Variants in ASCC3 observed in about 807,000 individuals in gnomAD.
ASCC3 encodes activating signal cointegrator 1 complex subunit 3.
ASCC3 carries 158 observed loss-of-function variants against 256.3 expected under a neutral mutation model. That is an observed-to-expected ratio of 0.62 (90% CI 0.54 to 0.70). The LOEUF (loss-of-function observed/expected upper bound fraction) is 0.70, where lower values mean the gene tolerates loss of function less well. ASCC3 is among the 30% of genes least tolerant of loss of function. The probability of loss-of-function intolerance (pLI) is 0.00; values close to 1 mark genes in which losing one functional copy is unlikely to be tolerated. For synonymous variants in ASCC3, 948 were observed against 883.4 expected, an observed-to-expected ratio of 1.07 and a Z score of -1.30; for missense variants, 2,259 against 2,626.0, an observed-to-expected ratio of 0.86 and a Z score of 3.05.
At chr6:100,515,362 G>A (rs1582369760) in intron 39 of ASCC3, among the ~76,000 whole-genome samples, 1 of 152,130 alleles carries the variant, frequency 6.6e-6, no homozygotes, top group Admixed American at 6.5e-5. Flanking sequence ...CTTTTTCCAA[G>A]TCTTGCTCAA....
At chr6:100,527,610 A>G (rs1774645936) in intron 37 of ASCC3, among the ~76,000 whole-genome samples, 1 of 152,010 alleles carries the variant, frequency 6.6e-6, no homozygotes, top group Non-Finnish European at 1.5e-5. Flanking sequence ...TGGCAATTCT[A>G]CCTCCTGGCA....
At chr6:100,824,758 A>G (rs577510207) in intron 4 of ASCC3, among the ~76,000 whole-genome samples, 1 of 152,314 alleles carries the variant, frequency 6.6e-6, no homozygotes, top group East Asian at 1.9e-4. Flanking sequence ...AATCTGATAT[A>G]ATTTAAGAAG....
intron 4 of ASCC3, among the ~76,000 whole-genome samples, chr6:100,827,984 T>C (rs1056871350): frequency 6.6e-6 from 1 of 150,912 alleles, no homozygotes; most frequent in Non-Finnish European, 1.5e-5. Flanking sequence ...AGGACTGATA[T>C]TAAACAACTT....
intron 4 of ASCC3, among the ~76,000 whole-genome samples, chr6:100,842,830 T>C (rs1772210245): frequency 6.6e-6 from 1 of 151,906 alleles, no homozygotes; most frequent in African/African-American, 2.4e-5. Flanking sequence ...AAAAAATTAG[T>C]TGTGTGTGGT....
At chr6:100,573,207 A>ACTGGG (rs1469639473) in intron 36 of ASCC3, among the ~76,000 whole-genome samples, 1 of 152,070 alleles carries the variant, frequency 6.6e-6, no homozygotes, top group Non-Finnish European at 1.5e-5. Context: ...CTATTTACCT[A>ACTGGG]CTGGGCTGCT....
intron 22 of ASCC3, 64 bp downstream of exon 22, chr6:100,646,551 T>C (rs1041680657): frequency 1.3e-6 from 2 of 1,489,922 alleles, no homozygotes; most frequent in Non-Finnish European, 1.9e-6. Flanking sequence ...TAGGAACAGA[T>C]GTAGTTGAGT....
At chr6:100,856,471 A>T in intron 3 of ASCC3, 1 of 892,162 alleles carries the variant, frequency 1.1e-6, no homozygotes, top group Non-Finnish European at 1.3e-6. Context: ...GTAATATAAA[A>T]ATCATAGTAA....
At chr6:100,731,200 C>T (rs1019142667) in intron 10 of ASCC3, among the ~76,000 whole-genome samples, 9 of 152,112 alleles carry the variant, frequency 5.9e-5, no homozygotes, top group African/African-American at 2.2e-4. Context: ...GAGAGACGTT[C>T]TCCTATTCAA....
intron 30 of ASCC3, among the ~76,000 whole-genome samples, chr6:100,618,659 A>G (rs1226232431): frequency 6.6e-6 from 1 of 152,178 alleles, no homozygotes; most frequent in East Asian, 1.9e-4. Context: ...CCAACAGTGG[A>G]AACACTGGGC....
At chr6:100,634,361 G>C (rs1774717633) in intron 25 of ASCC3, among the ~76,000 whole-genome samples, 1 of 152,096 alleles carries the variant, frequency 6.6e-6, no homozygotes, top group Non-Finnish European at 1.5e-5. Flanking sequence ...CTATTCGGCT[G>C]TAATTTTGCA....
At chr6:100,686,443 T>A (rs754548689) in intron 13 of ASCC3, among the ~76,000 whole-genome samples, 1 of 152,174 alleles carries the variant, frequency 6.6e-6, no homozygotes, top group Non-Finnish European at 1.5e-5. Context: ...AACTACAAAT[T>A]CACAATTTTA....
chr6:100,661,863 T>C lies in ASCC3; in HGVS notation c.2646A>G (p.Gln882=). ...KLSHYLTLLT[Q]RNPIESQFLE... The stretch of plus-strand genomic sequence containing the variant: ...GAAACTGACTCTCAATTGGGTTTCG[T>C]TGAGTGAGCAAAGTGAGGTAATGGC... The change falls in exon 16 of 42, where the codon CAA becomes CAG. Residue 882 remains glutamine (Q), a synonymous_variant. Transcript: ENST00000369162. 6.2e-7 allele frequency: 1 copy of C among 1,613,382 alleles called. No individual in the cohort carries two copies. The highest frequency in any genetic ancestry group is 8.5e-7 in the Non-Finnish European group (1 of 1,179,458).
intron 14 of ASCC3, among the ~76,000 whole-genome samples, chr6:100,665,948 A>C (rs958751321): frequency 1.3e-5 from 2 of 151,942 alleles, no homozygotes; most frequent in Admixed American, 6.6e-5. Flanking sequence ...CCTTAAAAAA[A>C]CCCCCTCATG....
intron 37 of ASCC3, chr6:100,530,913 G>T: frequency 7.7e-7 from 1 of 1,300,588 alleles, no homozygotes; most frequent in Non-Finnish European, 1.1e-6. Context: ...AAAGACACTT[G>T]GAATCTTCTT....
chr6:100,571,670 C>T (rs946611461), intron 36 of ASCC3, among the ~76,000 whole-genome samples: 2 of 152,174 alleles, frequency 1.3e-5, no homozygotes, highest in African/African-American at 4.8e-5. Context: ...AACTGAGGCT[C>T]AGAGGGTAAG....
chr6:100,533,997 T>C (rs983894463), intron 37 of ASCC3, among the ~76,000 whole-genome samples: 1 of 152,198 alleles, frequency 6.6e-6, no homozygotes, highest in African/African-American at 2.4e-5. Context: ...AAAAACAGTG[T>C]CAGGGCTGGG....
chr6:100,774,695 T>A (rs955013314), intron 8 of ASCC3, among the ~76,000 whole-genome samples: 4 of 151,990 alleles, frequency 2.6e-5, no homozygotes, highest in African/African-American at 9.7e-5. Flanking sequence ...AGAGACAAGG[T>A]CTTGCTGGTC....
intron 4 of ASCC3, among the ~76,000 whole-genome samples, chr6:100,807,206 C>G (rs1770227939): frequency 6.6e-6 from 1 of 151,690 alleles, no homozygotes; most frequent in Admixed American, 6.6e-5. Context: ...GAAACTTGTA[C>G]AGGGAAACAG....
At chr6:100,554,527 T>G (rs764245169) in intron 36 of ASCC3, among the ~76,000 whole-genome samples, 4 of 152,162 alleles carry the variant, frequency 2.6e-5, no homozygotes, top group Non-Finnish European at 5.9e-5. Flanking sequence ...TAACTTAATC[T>G]CTGTCATGGG....
Sources: allele counts gnomAD v4.1 joint callset (sites outside exome capture counted in the v4.1 genomes callset), GRCh38; gene constraint gnomAD v4.1.1; transcripts MANE v1.5; gene names NCBI Gene and HGNC (gene_info 2026-07-23, HGNC 2026-07-21).